Variants in PDE10A observed in about 807,000 individuals in gnomAD.
PDE10A encodes the protein phosphodiesterase 10A.
PDE10A carries 39 observed loss-of-function variants against 97.7 expected under a neutral mutation model. That is an observed-to-expected ratio of 0.40 (90% CI 0.31 to 0.52). The LOEUF (loss-of-function observed/expected upper bound fraction) is 0.52. Among genes scored for constraint, PDE10A ranks in the 20% least tolerant of loss-of-function variants. PDE10A has a pLI of 0.56. For missense variants in PDE10A, 731 were observed against 1,047.8 expected (o/e 0.70, Z 4.17); for synonymous variants, 371 against 376.8 (o/e 0.98, Z 0.18).
At chr6:165,667,927 A>G (rs1370027911), upstream of PDE10A, among the ~76,000 whole-genome samples, 1 of 152,242 alleles carries the variant, frequency 6.6e-6, no homozygotes, top group Non-Finnish European at 1.5e-5. Context: ...TGTTGCCATT[A>G]AAAAATACCA....
chr6:165,556,115 C>T (rs907924762), intron 1 of PDE10A, among the ~76,000 whole-genome samples: 4 of 152,096 alleles, frequency 2.6e-5, no homozygotes, highest in Admixed American at 6.5e-5. Context: ...ATTGATAAGG[C>T]TTTTCTGTCA....
chr6:165,498,247 C>CA (rs1780653761), intron 2 of PDE10A, among the ~76,000 whole-genome samples: 1 of 150,752 alleles, frequency 6.6e-6, no homozygotes, highest in African/African-American at 2.4e-5. Context: ...CCCATGTCTA[C>CA]AAAAAATTAA....
intron 1 of PDE10A, among the ~76,000 whole-genome samples, chr6:165,902,788 C>A (rs113854969): frequency 0.011 from 1,722 of 152,312 alleles, 28 homozygotes; most frequent in African/African-American, 0.037. Flanking sequence ...GTCTTCTCCA[C>A]ACTCATCATC....
intron 1 of PDE10A, among the ~76,000 whole-genome samples, chr6:165,886,470 C>T (rs1299830652): frequency 1.3e-5 from 2 of 152,192 alleles, no homozygotes; most frequent in Admixed American, 6.5e-5. Flanking sequence ...GTTTGCTAAG[C>T]GCACAGAAGT....
chr6:165,669,480 G>A (rs1262411647), intron 1 of PDE10A, among the ~76,000 whole-genome samples: 1 of 152,186 alleles, frequency 6.6e-6, no homozygotes, highest in African/African-American at 2.4e-5. Flanking sequence ...GCACTGGCAT[G>A]ATTTTCCTGA....
intron 3 of PDE10A, among the ~76,000 whole-genome samples, chr6:165,480,534 T>C (rs1779544588): frequency 6.6e-6 from 1 of 151,908 alleles, no homozygotes; most frequent in South Asian, 2.1e-4. Context: ...TGAAGTGAGC[T>C]GACTGTACCA....
chr6:165,645,260 G>T (rs1229815302), intron 1 of PDE10A, among the ~76,000 whole-genome samples: 6 of 152,180 alleles, frequency 3.9e-5, no homozygotes. Flanking sequence ...GCGGGGGCCT[G>T]CTGGAACCAG....
intron 16 of PDE10A, among the ~76,000 whole-genome samples, chr6:165,392,156 G>A (rs1257226677): frequency 2.0e-5 from 3 of 152,174 alleles, no homozygotes; most frequent in South Asian, 2.1e-4. Context: ...CTGAGATTAC[G>A]AAAGCTTTGG....
At chr6:165,600,617 C>T (rs558198757) in intron 1 of PDE10A, among the ~76,000 whole-genome samples, 10 of 152,298 alleles carry the variant, frequency 6.6e-5, no homozygotes, top group Non-Finnish European at 1.0e-4. Flanking sequence ...GTCACCTTTC[C>T]GGCATTGACT....
Position 165,340,854 on chromosome 6 carries a change from G to A in PDE10A, c.2896-1496C>T, listed in dbSNP as rs139251274. ...GCCATGTGGGGCTCTCCACACGGAG[G>A]TCATGATTTTGGTCTGTATTACAAC... On this transcript the variant is annotated intron_variant, in intron 19 of 21. Transcript: ENST00000539869. Among the ~76,000 whole-genome samples, 853 of 152,254 alleles carry A rather than the reference G, an allele frequency of 5.6e-3. 7 individuals are homozygous for A. The highest frequency in any genetic ancestry group is 0.018 in the African/African-American group (732 of 41,554).
chr6:165,800,774 G>A (rs1333620782), intron 1 of PDE10A, among the ~76,000 whole-genome samples: 1 of 152,202 alleles, frequency 6.6e-6, no homozygotes, highest in African/African-American at 2.4e-5. Context: ...GCATGGAAAT[G>A]GTTAGTAATA....
intron 1 of PDE10A, among the ~76,000 whole-genome samples, chr6:165,774,489 TATAG>T (rs1311535747): frequency 1.1e-4 from 16 of 147,998 alleles, no homozygotes; most frequent in East Asian, 3.9e-4. Flanking sequence ...TAAAAATATG[TATAG>T]ATATTTATTA....
chr6:165,507,106 T>C (rs1202479476), intron 2 of PDE10A, among the ~76,000 whole-genome samples: 1 of 152,166 alleles, frequency 6.6e-6, no homozygotes, highest in South Asian at 2.1e-4. Context: ...TATTTCTGTT[T>C]CCCTACCCTG....
At chr6:165,413,917 G>C (rs1016433231) in intron 12 of PDE10A, among the ~76,000 whole-genome samples, 29 of 152,018 alleles carry the variant, frequency 1.9e-4, no homozygotes, top group African/African-American at 6.5e-4. Context: ...CTCCAAGTGA[G>C]TTTTCTAGGA....
chr6:165,797,626 T>C (rs180688139), intron 1 of PDE10A, among the ~76,000 whole-genome samples: 4 of 152,336 alleles, frequency 2.6e-5, no homozygotes, highest in African/African-American at 9.6e-5. Context: ...CAATTATTTC[T>C]AGTCATTATT....
chr6:165,386,924 G>A (rs528825674), intron 17 of PDE10A, among the ~76,000 whole-genome samples: 1 of 152,094 alleles, frequency 6.6e-6, no homozygotes, highest in East Asian at 1.9e-4. Flanking sequence ...GCTGAGGCAG[G>A]AGAATGGCGT....
intron 1 of PDE10A, among the ~76,000 whole-genome samples, chr6:165,839,571 G>C (rs544637135): frequency 6.6e-6 from 1 of 152,248 alleles, no homozygotes; most frequent in South Asian, 2.1e-4. Context: ...CTCTACGTAA[G>C]TCCACAGTGG....
intron 1 of PDE10A, among the ~76,000 whole-genome samples, chr6:165,913,197 T>A (rs1015907135): frequency 6.6e-6 from 1 of 152,052 alleles, no homozygotes. Flanking sequence ...TATATGCAAA[T>A]ATTCTAAAAT....
intron 18 of PDE10A, among the ~76,000 whole-genome samples, chr6:165,363,741 A>C (rs937463904): frequency 5.9e-5 from 9 of 152,202 alleles, no homozygotes; most frequent in African/African-American, 2.2e-4. Flanking sequence ...AACAATAAAA[A>C]ATGTGAAAAT....
Sources: allele counts gnomAD v4.1 joint callset (sites outside exome capture counted in the v4.1 genomes callset), GRCh38; gene constraint gnomAD v4.1.1; transcripts MANE v1.5; gene names NCBI Gene and HGNC (gene_info 2026-07-23, HGNC 2026-07-21).